The following P3H2 variants were observed in gnomAD, a reference collection of about 807,000 sequenced individuals.
P3H2 encodes leprecan-like 1.
A neutral mutation model predicts 87.0 loss-of-function variants in P3H2; 80 were observed. The ratio of observed to expected loss-of-function variants is 0.92; its 90% CI spans 0.77 to 1.11. The LOEUF (loss-of-function observed/expected upper bound fraction) is 1.11, where lower values mean the gene tolerates loss of function less well. Among genes scored for constraint, P3H2 ranks in the 50% least tolerant of loss-of-function variants. The pLI is 0.00. For synonymous variants in P3H2, 367 were observed against 359.3 expected (o/e 1.02, Z -0.24); for missense variants, 1,001 against 923.9 (o/e 1.08, Z -1.08).
chr3:189,969,863 T>C lies in P3H2; in HGVS notation c.1893+953A>G, dbSNP rs1274459264. 8 of 1,364,234 alleles carry C rather than the reference T, an allele frequency of 5.9e-6. No individual in the cohort carries two copies. In the East Asian group the frequency reaches 1.4e-4, roughly 23 times the overall value. 84.5% of individuals were successfully genotyped at this position (1,364,234 alleles called of 1,614,324 possible). The stretch of plus-strand genomic sequence containing the variant: ...AGTGGTGGTGGTGCTTGAGGCCATG[T>C]CCGCACAGGAAAGGAAGCTGCAGTG... On this transcript the variant is annotated intron_variant, in intron 13 of 14. Transcript: ENST00000319332.
chr3:189,992,603 T>C (rs1723911271), intron 3 of P3H2, among the ~76,000 whole-genome samples: 1 of 152,196 alleles, frequency 6.6e-6, no homozygotes, highest in Non-Finnish European at 1.5e-5. Flanking sequence ...ACCTTAAAAG[T>C]ATAGATTCTA....
Position 190,020,881 on chromosome 3 carries a change from A to T in P3H2, c.481-25439T>A, listed in dbSNP as rs1250232634. ...AGAAAGCAATGTCTACAAAATCCCT[A>T]TTAAAATATTGGGGTAAAAGCTGGA... On this transcript the variant is annotated intron_variant, in intron 1 of 14. Transcript: ENST00000319332. Among the ~76,000 whole-genome samples the T allele has an allele frequency of 1.5e-5, 2 of 134,868 alleles. 1 individual carries two copies. The highest frequency in any genetic ancestry group is 5.0e-4 in the East Asian group (2 of 3,978). The allele number at this position is 134,868 out of a possible 152,430, so 88.5% of individuals were successfully genotyped here.
intron 1 of P3H2, among the ~76,000 whole-genome samples, chr3:190,086,534 T>C (rs1338178010): frequency 6.6e-6 from 1 of 152,198 alleles, no homozygotes; most frequent in Non-Finnish European, 1.5e-5. Context: ...AGCCTCAGAA[T>C]TGATTAGATC....
At chr3:189,961,502 T>C (rs2108901561) in intron 14 of P3H2, among the ~76,000 whole-genome samples, 1 of 151,690 alleles carries the variant, frequency 6.6e-6, no homozygotes, top group East Asian at 1.9e-4. Context: ...AGGTAGGCAT[T>C]TTTTTTTTCT....
At chr3:190,062,790 A>G (rs1300561442) in intron 1 of P3H2, among the ~76,000 whole-genome samples, 3 of 152,106 alleles carry the variant, frequency 2.0e-5, no homozygotes, top group African/African-American at 4.8e-5. Context: ...GTTATTCCCC[A>G]CTGATTCAAT....
At chr3:190,014,609 T>C (rs963541069) in intron 1 of P3H2, among the ~76,000 whole-genome samples, 2 of 152,134 alleles carry the variant, frequency 1.3e-5, no homozygotes, top group Admixed American at 1.3e-4. Context: ...TTCATTCACA[T>C]TGTGGTTGTA....
rs753689832 is a variant in P3H2, at chr3:189,988,998, C to T, written c.864G>A (p.Val288=). Residue 288 remains valine (V), a synonymous_variant, in exon 4 of 15, where the codon GTG becomes GTA. Transcript: ENST00000319332. ...GGCCAGGGCGGGTGGCAAGTTCCCT[C>T]ACACATTCATGCTGACAAACAAGCA... ...MQVLVCQHEC[V]RELATRPGRL... 3 of 1,614,060 alleles carry T rather than the reference C, an allele frequency of 1.9e-6. No individual in the cohort carries two copies. The highest frequency in any genetic ancestry group is 1.1e-5 in the South Asian group (1 of 91,066).
chr3:190,004,748 AG>A (rs1477074242), intron 1 of P3H2, among the ~76,000 whole-genome samples: 1 of 152,220 alleles, frequency 6.6e-6, no homozygotes, highest in African/African-American at 2.4e-5. Flanking sequence ...AATGAACTTT[AG>A]GATACAAAAA....
chr3:189,981,402 T>C (rs935995887), intron 8 of P3H2, among the ~76,000 whole-genome samples: 1 of 152,180 alleles, frequency 6.6e-6, no homozygotes, highest in Non-Finnish European at 1.5e-5. Context: ...CACTGGAGAA[T>C]TACTGGTGCA....
At chr3:189,995,060 A>AT (rs1211929059) in intron 2 of P3H2, among the ~76,000 whole-genome samples, 1 of 151,976 alleles carries the variant, frequency 6.6e-6, no homozygotes, top group African/African-American at 2.4e-5. Context: ...AAAATTTTTA[A>AT]TTTTTTAGTT....
intron 1 of P3H2, among the ~76,000 whole-genome samples, chr3:190,046,907 A>T (rs1043784958): frequency 6.6e-6 from 1 of 152,148 alleles, no homozygotes; most frequent in Non-Finnish European, 1.5e-5. Context: ...TTAAGCTAAA[A>T]AGCTTCTGTA....
intron 1 of P3H2, among the ~76,000 whole-genome samples, chr3:190,064,153 A>G (rs1726421119): frequency 7.0e-6 from 1 of 142,720 alleles, no homozygotes; most frequent in Non-Finnish European, 1.5e-5. Flanking sequence ...CACCACACCT[A>G]ACTTTTTTTT....
intron 1 of P3H2, among the ~76,000 whole-genome samples, chr3:190,111,166 T>C (rs1461319584): frequency 1.3e-5 from 2 of 152,172 alleles, no homozygotes; most frequent in African/African-American, 2.4e-5. Context: ...TCCCCAGAAG[T>C]AGGAAGAACA....
intron 1 of P3H2, among the ~76,000 whole-genome samples, chr3:190,098,098 G>A (rs1187263466): frequency 3.3e-5 from 5 of 152,108 alleles, no homozygotes; most frequent in Non-Finnish European, 7.4e-5. Flanking sequence ...ACAATTTTAG[G>A]TGATGCAAAT....
At chr3:190,093,726 T>G (rs775802530) in intron 1 of P3H2, among the ~76,000 whole-genome samples, 5 of 152,226 alleles carry the variant, frequency 3.3e-5, no homozygotes, top group Non-Finnish European at 5.9e-5. Flanking sequence ...TTGTTTGCTT[T>G]GTTTTGGGTT....
Position 189,986,837 on chromosome 3 carries a change from T to C in P3H2, c.1139A>G (p.Glu380Gly). The change falls in exon 6 of 15, where the codon GAG becomes GGG. Residue 380 changes from glutamate to glycine, a missense_variant. By Grantham distance (98) the Glu-to-Gly change is moderately conservative. Transcript: ENST00000319332. ...ACCTTCTGCAGCTGATTTTATCAGC[T>C]CAGACTCCAGCTTATGACGTTTCAC... The part of the protein sequence containing the change: ...MFVKRHKLES[E>G]LIKSAAEGLG... The C allele has an allele frequency of 1.9e-6, 3 of 1,613,476 alleles. No homozygotes were observed. The highest frequency in any genetic ancestry group is 2.5e-6 in the Non-Finnish European group (3 of 1,179,392).
At chr3:189,990,238 A>G (rs1208591040) in intron 3 of P3H2, among the ~76,000 whole-genome samples, 1 of 152,198 alleles carries the variant, frequency 6.6e-6, no homozygotes, top group African/African-American at 2.4e-5. Context: ...TAGAATCCCT[A>G]AAGCCCATTG....
intron 1 of P3H2, among the ~76,000 whole-genome samples, chr3:190,051,521 A>G (rs2108961154): frequency 6.6e-6 from 1 of 152,344 alleles, no homozygotes; most frequent in African/African-American, 2.4e-5. Context: ...AAGAAGAGCC[A>G]ATTTTTACAA....
At chr3:189,981,303 G>A (rs572513062) in intron 8 of P3H2, among the ~76,000 whole-genome samples, 1 of 152,234 alleles carries the variant, frequency 6.6e-6, no homozygotes, top group Admixed American at 6.5e-5. Flanking sequence ...GCCAGTTGTG[G>A]GCTAAGCCCT....
Sources: allele counts gnomAD v4.1 joint callset (sites outside exome capture counted in the v4.1 genomes callset), GRCh38; gene constraint gnomAD v4.1.1; transcripts MANE v1.5; gene names NCBI Gene and HGNC (gene_info 2026-07-23, HGNC 2026-07-21).